Variants in PRKCA observed in about 807,000 individuals in gnomAD.
PRKCA encodes protein kinase C alpha type.
Under a neutral mutation model 87.0 loss-of-function variants are expected in PRKCA, and 27 were observed. That is an observed-to-expected ratio of 0.31 (90% CI 0.23 to 0.43). PRKCA has a LOEUF of 0.43. Ranked by LOEUF, PRKCA falls within the 20% of genes least tolerant of loss-of-function variation. PRKCA has a pLI of 1.00. For missense variants in PRKCA, 518 were observed against 852.3 expected, an observed-to-expected ratio of 0.61 and a Z score of 4.88; for synonymous variants, 329 against 311.1, an observed-to-expected ratio of 1.06 and a Z score of -0.61.
At chr17:66,343,668 T>C (rs1194951180) in intron 2 of PRKCA, among the ~76,000 whole-genome samples, 1 of 151,956 alleles carries the variant, frequency 6.6e-6, no homozygotes, top group Non-Finnish European at 1.5e-5. Flanking sequence ...TAAGAGGCTG[T>C]ACTTGAAAAA....
chr17:66,306,631 T>C (rs1298842270), intron 2 of PRKCA, among the ~76,000 whole-genome samples: 1 of 152,208 alleles, frequency 6.6e-6, no homozygotes, highest in African/African-American at 2.4e-5. Context: ...ATTTGATGAC[T>C]GATTTCTATG....
chr17:66,383,382 T>C (rs1361270030), intron 2 of PRKCA, among the ~76,000 whole-genome samples: 1 of 149,844 alleles, frequency 6.7e-6, no homozygotes, highest in Non-Finnish European at 1.5e-5. Flanking sequence ...AAGCATAAAG[T>C]TACTGGGGAA....
chr17:66,576,824 T>G (rs1289538884), intron 3 of PRKCA, among the ~76,000 whole-genome samples: 1 of 152,032 alleles, frequency 6.6e-6, no homozygotes, highest in Non-Finnish European at 1.5e-5. Flanking sequence ...TCGCTGTCTC[T>G]CATTTCTGTT....
chr17:66,529,546 T>C (rs1187886400), intron 3 of PRKCA, among the ~76,000 whole-genome samples: 5 of 152,190 alleles, frequency 3.3e-5, no homozygotes, highest in Non-Finnish European at 7.3e-5. Flanking sequence ...GAGCTCTTCC[T>C]GGGGTCACCT....
chr17:66,532,539 T>C (rs1297031856), intron 3 of PRKCA, among the ~76,000 whole-genome samples: 1 of 151,858 alleles, frequency 6.6e-6, no homozygotes. Context: ...CTAATTTTTG[T>C]ATTTTTAGTA....
At chr17:66,637,818 T>G (rs988105549) in intron 3 of PRKCA, among the ~76,000 whole-genome samples, 4 of 152,198 alleles carry the variant, frequency 2.6e-5, no homozygotes, top group Admixed American at 1.3e-4. Flanking sequence ...CCAGAGTTTC[T>G]GACTCGGTTG....
At chr17:66,664,135 C>T (rs112369822) in intron 5 of PRKCA, among the ~76,000 whole-genome samples, 2,043 of 152,104 alleles carry the variant, frequency 0.013, 42 homozygotes, top group African/African-American at 0.047. Flanking sequence ...CCCAAAGTGC[C>T]GGGTTTCTAG....
At chr17:66,360,350 A>G (rs1414467751) in intron 2 of PRKCA, among the ~76,000 whole-genome samples, 1 of 152,150 alleles carries the variant, frequency 6.6e-6, no homozygotes, top group Admixed American at 6.6e-5. Flanking sequence ...GACAGGGGAA[A>G]GGCCTGGAGA....
chr17:66,802,189 C>T (rs1289972716), intron 16 of PRKCA, among the ~76,000 whole-genome samples: 1 of 151,874 alleles, frequency 6.6e-6, no homozygotes, highest in Non-Finnish European at 1.5e-5. Flanking sequence ...CACTGCACAC[C>T]AGCCTGGGTG....
intron 5 of PRKCA, among the ~76,000 whole-genome samples, chr17:66,656,476 A>G (rs1271832532): frequency 2.0e-5 from 3 of 152,204 alleles, no homozygotes; most frequent in African/African-American, 7.2e-5. Context: ...TTCTAATTAT[A>G]GGATTATCAT....
Position 66,513,447 on chromosome 17 carries a change from C to T in PRKCA, c.288+17164C>T, listed in dbSNP as rs541605595. 5.9e-5 allele frequency among the ~76,000 whole-genome samples: 9 copies of T among 152,274 alleles called. No homozygotes were observed. The East Asian group carries it at 1.2e-3, about 20-fold the overall frequency. ...ATAAAATTAATTTTAAAATAAAATG[C>T]ATACAGTCAATCTTATTTAACTAGA... On this transcript the variant is annotated intron_variant, in intron 3 of 16. Transcript: ENST00000413366.
At chr17:66,554,563 C>G (rs1968439313) in intron 3 of PRKCA, 1 of 955,208 alleles carries the variant, frequency 1.0e-6, no homozygotes, top group Non-Finnish European at 1.2e-6. Flanking sequence ...TTTTGAGATC[C>G]TACTCACTCT....
chr17:66,798,441 T>TGAC (rs1975738424), intron 16 of PRKCA, among the ~76,000 whole-genome samples: 1 of 115,406 alleles, frequency 8.7e-6, no homozygotes, highest in Non-Finnish European at 1.8e-5. Context: ...GTGACGGTGG[T>TGAC]GGTGGTGGTG....
In PRKCA at chr17:66,806,316, G is replaced by A. The variant is rs953682490; in HGVS notation, c.*2279G>A. 1 of 152,286 alleles carries A rather than the reference G, an allele frequency of 6.6e-6. No homozygotes were observed. Among genetic ancestry groups the A allele is most frequent in the African/African-American group, 2.4e-5 (1 of 41,424 alleles). The allele number at this position is 152,286 out of a possible 1,614,324, so 9.4% of individuals were successfully genotyped here. On this transcript the variant is annotated 3_prime_UTR_variant, in exon 17 of 17. Transcript: ENST00000413366. ...CAGGTGGTCCTGGCAACCCTGAGTA[G>A]AAGGAGAGACGGGGTAGGGAACGGG...
intron 2 of PRKCA, among the ~76,000 whole-genome samples, chr17:66,395,975 C>T (rs1305837139): frequency 6.6e-6 from 1 of 151,916 alleles, no homozygotes; most frequent in Admixed American, 6.6e-5. Flanking sequence ...TGATGTTTAA[C>T]CTGGAAAGTC....
intron 16 of PRKCA, chr17:66,796,554 C>A (rs1009007412): frequency 9.1e-6 from 9 of 985,338 alleles, no homozygotes; most frequent in Non-Finnish European, 1.1e-5. Flanking sequence ...CACTTTATAA[C>A]CCTTAACCGT....
In PRKCA at chr17:66,559,479, C is replaced by CAAA. The variant is rs34998780; in HGVS notation, c.288+63221_288+63223dup. Among the ~76,000 whole-genome samples, 86 of 36,704 alleles carry CAAA rather than the reference C, an allele frequency of 2.3e-3. 17 individuals are homozygous for CAAA. The highest frequency in any genetic ancestry group is 8.6e-3 in the African/African-American group (66 of 7,634). 24.1% of individuals were successfully genotyped at this position (36,704 alleles called of 152,430 possible). On this transcript the variant is annotated intron_variant, in intron 3 of 16. Coordinates refer to ENST00000413366, the MANE Select transcript of PRKCA (RefSeq NM_002737.3). ...GCAACAGAGTGAGTCTCTGTCTCAC[C>CAAA]AAAAAAAAAAAAAAAAAAAAAAAAA...
At chr17:66,778,745 G>C (rs923391578) in intron 14 of PRKCA, among the ~76,000 whole-genome samples, 9 of 151,606 alleles carry the variant, frequency 5.9e-5, no homozygotes, top group Non-Finnish European at 1.2e-4. Context: ...GGAGGCTGAG[G>C]TGGGAGGATT....
intron 2 of PRKCA, among the ~76,000 whole-genome samples, chr17:66,324,447 C>CAAAAAA (rs61047065): frequency 1.1e-5 from 1 of 90,652 alleles, no homozygotes; most frequent in Non-Finnish European, 2.1e-5. Flanking sequence ...ACTAAAAATA[C>CAAAAAA]AAAAAAAAAA....
Sources: allele counts gnomAD v4.1 joint callset (sites outside exome capture counted in the v4.1 genomes callset), GRCh38; gene constraint gnomAD v4.1.1; transcripts MANE v1.5; gene names NCBI Gene and HGNC (gene_info 2026-07-23, HGNC 2026-07-21).